NECAB1: variants seen among roughly 807,000 people sequenced by gnomAD.
The protein encoded by NECAB1 is N-terminal EF-hand calcium-binding protein 1.
In NECAB1, 29 loss-of-function variants were observed where a neutral mutation model predicts 57.5. The ratio of observed to expected loss-of-function variants is 0.50; its 90% CI spans 0.38 to 0.69. NECAB1 has a LOEUF of 0.69. Among genes scored for constraint, NECAB1 ranks in the 30% least tolerant of loss-of-function variants. The probability of loss-of-function intolerance (pLI) is 0.00; values close to 1 mark genes in which losing one functional copy is unlikely to be tolerated. For synonymous variants in NECAB1, 142 were observed against 147.7 expected (o/e 0.96, Z 0.28); for missense variants, 372 against 413.8 (o/e 0.90, Z 0.88).
intron 3 of NECAB1, among the ~76,000 whole-genome samples, chr8:90,849,073 G>A (rs1812628884): frequency 6.6e-6 from 1 of 152,098 alleles, no homozygotes; most frequent in African/African-American, 2.4e-5. Flanking sequence ...TGACATATGG[G>A]GATTATGGAA....
intron 4 of NECAB1, 28 bp downstream of exon 4, chr8:90,872,181 C>A (rs147148816): frequency 8.6e-6 from 13 of 1,517,622 alleles, no homozygotes; most frequent in Non-Finnish European, 1.1e-5. Flanking sequence ...ATCAGTCAAA[C>A]CTATTACTTG....
chr8:90,891,439 T>C (rs1809164804), intron 5 of NECAB1, among the ~76,000 whole-genome samples: 1 of 152,200 alleles, frequency 6.6e-6, no homozygotes, highest in South Asian at 2.1e-4. Context: ...CTATTCTACA[T>C]ATTATGCCAT....
chr8:90,831,116 C>T (rs373470323), intron 3 of NECAB1, among the ~76,000 whole-genome samples: 1 of 152,038 alleles, frequency 6.6e-6, no homozygotes, highest in Admixed American at 6.6e-5. Context: ...TGGGAGGGCC[C>T]TCTCGCTGAG....
At chr8:90,914,711 G>A (rs902708056) in intron 5 of NECAB1, among the ~76,000 whole-genome samples, 1 of 152,168 alleles carries the variant, frequency 6.6e-6, no homozygotes, top group African/African-American at 2.4e-5. Flanking sequence ...TGCTATGGTG[G>A]AGCAATGATG....
intron 5 of NECAB1, among the ~76,000 whole-genome samples, chr8:90,882,971 T>C (rs894034001): frequency 1.3e-5 from 2 of 152,142 alleles, no homozygotes; most frequent in African/African-American, 4.8e-5. Context: ...GAAAGAAAAA[T>C]TGCTCCTAAG....
At chr8:90,822,075 GA>G (rs1441497349) in intron 2 of NECAB1, among the ~76,000 whole-genome samples, 1 of 151,780 alleles carries the variant, frequency 6.6e-6, no homozygotes, top group Non-Finnish European at 1.5e-5. Flanking sequence ...TGAAAAAGCT[GA>G]AAAACCTGTA....
rs140461518 is a variant in NECAB1 at position 90,929,551 on chromosome 8, CCTT to C, written c.693+1255_693+1257del. Among the ~76,000 whole-genome samples, 1,375 of 152,194 alleles carry C rather than the reference CCTT, an allele frequency of 9.0e-3. 19 individuals carry two copies. Among genetic ancestry groups the C allele is most frequent in the African/African-American group, 0.031 (1,287 of 41,504 alleles). On this transcript the variant is annotated intron_variant, in intron 8 of 12. Coordinates refer to ENST00000417640, the MANE Select transcript of NECAB1 (RefSeq NM_022351.5). Reference sequence around the variant, plus strand: ...GTTCCTACCATTTCCAGTCTGTTGGCCTTCTGTTCAAAATTCTGCTTCCCAGAA... The same window carrying C: ...GTTCCTACCATTTCCAGTCTGTTGGCCTGTTCAAAATTCTGCTTCCCAGAA...
intron 5 of NECAB1, among the ~76,000 whole-genome samples, chr8:90,902,742 C>A (rs911598168): frequency 2.6e-5 from 4 of 152,002 alleles, no homozygotes; most frequent in Non-Finnish European, 5.9e-5. Flanking sequence ...GATAATGGGA[C>A]TTTAAATTAG....
intron 5 of NECAB1, among the ~76,000 whole-genome samples, chr8:90,906,867 T>G (rs1186001400): frequency 1.9e-5 from 1 of 51,286 alleles, no homozygotes; most frequent in Non-Finnish European, 3.0e-5. Flanking sequence ...TCCTTACATA[T>G]GATATACACA....
At chr8:90,819,418 A>G in intron 2 of NECAB1, among the ~76,000 whole-genome samples, 1 of 151,974 alleles carries the variant, frequency 6.6e-6, no homozygotes, top group East Asian at 1.9e-4. Context: ...ACTGAGATAA[A>G]TAGGCCTCTA....
At chr8:90,807,491 AT>A (rs201213909) in intron 2 of NECAB1, among the ~76,000 whole-genome samples, 1,700 of 152,240 alleles carry the variant, frequency 0.011, 12 homozygotes, top group Middle Eastern at 0.02. Flanking sequence ...GAGCTCTGTG[AT>A]TCTGTCTTTC....
At chr8:90,816,626 A>G (rs991664429) in intron 2 of NECAB1, among the ~76,000 whole-genome samples, 4 of 151,766 alleles carry the variant, frequency 2.6e-5, no homozygotes, top group African/African-American at 9.7e-5. Flanking sequence ...TTTGTCAACA[A>G]TCAGTTGACT....
chr8:90,865,975 C>T (rs535612328), intron 3 of NECAB1, among the ~76,000 whole-genome samples: 37 of 152,172 alleles, frequency 2.4e-4, no homozygotes, highest in Non-Finnish European at 3.1e-4. Context: ...ACAGTCTTTA[C>T]TGTCCCTTTG....
intron 5 of NECAB1, among the ~76,000 whole-genome samples, chr8:90,881,878 G>T (rs147118668): frequency 7.2e-5 from 11 of 152,324 alleles, no homozygotes; most frequent in African/African-American, 2.6e-4. Flanking sequence ...AACACTGAGA[G>T]ATAAAGGAAG....
At position 90,875,844 on chromosome 8, in the gene NECAB1, C is replaced by CAAAAAAAAAA. The variant is rs5893141; in HGVS notation, c.259+3699_259+3708dup. 1.3e-3 allele frequency among the ~76,000 whole-genome samples: 117 copies of CAAAAAAAAAA among 88,386 alleles called. 2 individuals carry two copies. Among genetic ancestry groups the CAAAAAAAAAA allele is most frequent in the African/African-American group, 4.9e-3 (107 of 21,808 alleles). The allele number at this position is 88,386 out of a possible 152,430, so 58.0% of individuals were successfully genotyped here. A position where few individuals can be genotyped will look rare whatever the true frequency, so the allele number is the denominator to read the frequency against. On this transcript the variant is annotated intron_variant, in intron 4 of 12. Coordinates refer to ENST00000417640, the MANE Select transcript of NECAB1 (RefSeq NM_022351.5). ...TGAAACCCCATCTCTACTAAAAATA[C>CAAAAAAAAAA]AAAAAAAAAAAAAAAAATTACCGGG...
rs151043838 is a variant in NECAB1, at chr8:90,792,120, G to A, written c.99+135G>A. The A allele has an allele frequency of 3.7e-3, 2,514 of 686,080 alleles. 11 individuals carry two copies. The highest frequency in any genetic ancestry group is 5.5e-3 in the Non-Finnish European group (2,187 of 399,508). The allele number at this position is 686,080 out of a possible 1,614,324, so 42.5% of individuals were successfully genotyped here. ...ACAGGCGAGAACTACCGATGCAAAT[G>A]CAGGAGGAACGACTGTCCCTTAACT... On this transcript the variant is annotated intron_variant, in intron 1 of 12. Coordinates refer to ENST00000417640, the MANE Select transcript of NECAB1 (RefSeq NM_022351.5).
Position 90,927,610 on chromosome 8 carries a change from T to TACACACACACAC in NECAB1, c.617-592_617-581dup, listed in dbSNP as rs71560287. On this transcript the variant is annotated intron_variant, in intron 7 of 12. Coordinates refer to ENST00000417640, the MANE Select transcript of NECAB1 (RefSeq NM_022351.5). ...CTATAACGTTTAACTTGGTGCTAGATACACACACACACACACACACACACA... is the reference window on the plus strand; with the variant it reads ...CTATAACGTTTAACTTGGTGCTAGATACACACACACACACACACACACACACACACACACACA... 2.2e-3 allele frequency among the ~76,000 whole-genome samples: 311 copies of TACACACACACAC among 143,942 alleles called. 2 individuals are homozygous for TACACACACACAC. Among genetic ancestry groups the TACACACACACAC allele is most frequent in the African/African-American group, 6.6e-3 (257 of 39,024 alleles). The allele number at this position is 143,942 out of a possible 152,430, so 94.4% of individuals were successfully genotyped here.
chr8:90,848,469 C>T (rs7815288), intron 3 of NECAB1, among the ~76,000 whole-genome samples: 13,610 of 152,164 alleles, frequency 0.089, 798 homozygotes, highest in African/African-American at 0.17. Context: ...ACAGCAGCAC[C>T]CCACTACTGG....
intron 5 of NECAB1, among the ~76,000 whole-genome samples, chr8:90,891,869 T>C (rs1037069977): frequency 1.2e-4 from 19 of 152,060 alleles, no homozygotes; most frequent in Admixed American, 1.2e-3. Flanking sequence ...AATTTTTGTA[T>C]TTTTAGTAGA....
Sources: allele counts gnomAD v4.1 joint callset (sites outside exome capture counted in the v4.1 genomes callset), GRCh38; gene constraint gnomAD v4.1.1; transcripts MANE v1.5; gene names NCBI Gene and HGNC (gene_info 2026-07-23, HGNC 2026-07-21).